Variants in RELL1 observed in about 807,000 individuals in gnomAD.
The protein encoded by RELL1 is RELT-like protein 1.
A neutral mutation model predicts 23.0 loss-of-function variants in RELL1; 10 were observed. The observed-to-expected ratio is 0.43, with a 90% CI of 0.27 to 0.74. The LOEUF is 0.74. RELL1 is among the 30% of genes least tolerant of loss of function. RELL1 has a pLI of 0.19. For synonymous variants in RELL1, 146 were observed against 146.8 expected (o/e 0.99, Z 0.04); for missense variants, 315 against 364.4 (o/e 0.86, Z 1.10).
intron 1 of RELL1, among the ~76,000 whole-genome samples, chr4:37,681,421 T>C (rs1722216270): frequency 6.6e-6 from 1 of 151,070 alleles, no homozygotes; most frequent in South Asian, 2.1e-4. Context: ...GAGCAGCCAG[T>C]AGGACAGAGA....
At chr4:37,685,153 T>A (rs1722358085) in intron 1 of RELL1, among the ~76,000 whole-genome samples, 1 of 152,214 alleles carries the variant, frequency 6.6e-6, no homozygotes, top group African/African-American at 2.4e-5. Flanking sequence ...GTAAAAGTTG[T>A]AAGCGACTGA....
At position 37,686,345 on chromosome 4, in the gene RELL1, G is replaced by A. The variant is rs1391068843; in HGVS notation, c.-58C>T. The A allele has an allele frequency of 2.2e-6, 3 of 1,336,114 alleles. No individual in the cohort carries two copies. The highest frequency in any genetic ancestry group is 3.1e-5 in the African/African-American group (2 of 64,904). 82.8% of individuals were successfully genotyped at this position (1,336,114 alleles called of 1,614,324 possible). A position where few individuals can be genotyped will look rare whatever the true frequency, so the allele number is the denominator to read the frequency against. On this transcript the variant is annotated 5_prime_UTR_variant, in exon 1 of 7. Coordinates refer to ENST00000454158, the MANE Select transcript of RELL1 (RefSeq NM_001085400.2). ...GCCGCGTCCCGCGCTCGGGAAGGCA[G>A]AGCCGCTCCGGAGCCGGCGGGCTGA...
At chr4:37,598,281 A>G (rs1181668969) in intron 6 of RELL1, among the ~76,000 whole-genome samples, 1 of 144,748 alleles carries the variant, frequency 6.9e-6, no homozygotes, top group African/African-American at 2.5e-5. Context: ...AAAAAAAAAA[A>G]AAAGTTTATA....
At chr4:37,634,296 G>A (rs1720239194) in intron 5 of RELL1, among the ~76,000 whole-genome samples, 1 of 152,254 alleles carries the variant, frequency 6.6e-6, no homozygotes, top group South Asian at 2.1e-4. Flanking sequence ...AGACACTGGA[G>A]GGCTGTGGAC....
At chr4:37,668,190 G>GA (rs1180503721) in intron 1 of RELL1, among the ~76,000 whole-genome samples, 1 of 151,684 alleles carries the variant, frequency 6.6e-6, no homozygotes, top group Non-Finnish European at 1.5e-5. Flanking sequence ...GGTATGCACA[G>GA]AAAAAAAGGA....
chr4:37,676,014 C>T (rs1322055329), intron 1 of RELL1, among the ~76,000 whole-genome samples: 1 of 152,176 alleles, frequency 6.6e-6, no homozygotes, highest in Non-Finnish European at 1.5e-5. Context: ...CTTCGGTGAC[C>T]ACAAGTTCTT....
intron 6 of RELL1, among the ~76,000 whole-genome samples, chr4:37,602,221 CAA>C (rs11410477): frequency 5.2e-5 from 5 of 96,682 alleles, no homozygotes; most frequent in Non-Finnish European, 7.8e-5. Flanking sequence ...TGTCTCAAAC[CAA>C]AAAAAAAAAA....
intron 3 of RELL1, among the ~76,000 whole-genome samples, chr4:37,638,898 AAT>A (rs1720426549): frequency 6.6e-6 from 1 of 152,242 alleles, no homozygotes; most frequent in African/African-American, 2.4e-5. Context: ...TACTTTGAAA[AAT>A]ATGATAGTGA....
At chr4:37,651,830 T>C (rs1433296738) in intron 1 of RELL1, among the ~76,000 whole-genome samples, 1 of 152,212 alleles carries the variant, frequency 6.6e-6, no homozygotes. Context: ...GCCTCTCTGC[T>C]GAAAGCCATT....
chr4:37,640,496 T>C (rs1047427836), intron 3 of RELL1, among the ~76,000 whole-genome samples: 1 of 152,226 alleles, frequency 6.6e-6, no homozygotes, highest in Non-Finnish European at 1.5e-5. Context: ...TTTTATTGTA[T>C]ACAAAATACA....
At chr4:37,662,987 GA>G (rs1721407427) in intron 1 of RELL1, among the ~76,000 whole-genome samples, 1 of 152,172 alleles carries the variant, frequency 6.6e-6, no homozygotes, top group Non-Finnish European at 1.5e-5. Context: ...TTTGCTTTGG[GA>G]TACAGGCCAG....
chr4:37,620,255 TAC>T (rs1719722318), intron 6 of RELL1, among the ~76,000 whole-genome samples: 1 of 152,246 alleles, frequency 6.6e-6, no homozygotes, highest in Non-Finnish European at 1.5e-5. Context: ...TTGCATTCCT[TAC>T]AGTTTTGAAT....
intron 1 of RELL1, among the ~76,000 whole-genome samples, chr4:37,670,056 TAA>T (rs537851204): frequency 3.0e-3 from 296 of 98,690 alleles, no homozygotes; most frequent in African/African-American, 9.8e-3. Flanking sequence ...TAAATAAATA[TAA>T]AAAAAAAAAA....
At chr4:37,653,636 G>A (rs1379373494) in intron 1 of RELL1, among the ~76,000 whole-genome samples, 1 of 151,994 alleles carries the variant, frequency 6.6e-6, no homozygotes, top group Non-Finnish European at 1.5e-5. Context: ...ATTTGATACT[G>A]CTTCTACTGA....
chr4:37,631,445 G>T lies in RELL1; in HGVS notation c.759C>A (p.Thr253=). 1 of 1,614,034 alleles carries T rather than the reference G, an allele frequency of 6.2e-7. No homozygotes were observed. The highest frequency in any genetic ancestry group is 8.5e-7 in the Non-Finnish European group (1 of 1,179,982). Residue 253 remains threonine (T), a synonymous_variant, in exon 6 of 7, where the codon ACC becomes ACA. Coordinates refer to ENST00000454158, the MANE Select transcript of RELL1 (RefSeq NM_001085400.2). ...RSLMSVSGAE[T]VNGEVPATPV... is the part of the protein sequence containing the mutation. ...GTGTTGCCGGCACCTCCCCATTGACGGTTTCAGCCCCACTAACAGACATCA... is the reference window on the plus strand; with the variant it reads ...GTGTTGCCGGCACCTCCCCATTGACTGTTTCAGCCCCACTAACAGACATCA...
chr4:37,618,250 G>A (rs185140752), intron 6 of RELL1, among the ~76,000 whole-genome samples: 2 of 151,460 alleles, frequency 1.3e-5, no homozygotes. Context: ...TCACTCTGTT[G>A]CCCAGGCTGG....
intron 1 of RELL1, among the ~76,000 whole-genome samples, chr4:37,676,517 T>C (rs1190042190): frequency 6.6e-6 from 1 of 152,252 alleles, no homozygotes; most frequent in Non-Finnish European, 1.5e-5. Context: ...CGAAAATCTC[T>C]GCACTGAAAA....
downstream of RELL1, chr4:37,590,701 T>A (rs757190120): frequency 3.7e-6 from 6 of 1,613,888 alleles, no homozygotes; most frequent in South Asian, 1.1e-5. Flanking sequence ...TGAGGATGAA[T>A]CCCTAGAGGG....
At chr4:37,627,723 T>G (rs1719998414) in intron 6 of RELL1, among the ~76,000 whole-genome samples, 1 of 152,214 alleles carries the variant, frequency 6.6e-6, no homozygotes, top group Admixed American at 6.5e-5. Flanking sequence ...ACCTAACCAA[T>G]AAGTGGATAT....
Sources: allele counts gnomAD v4.1 joint callset (sites outside exome capture counted in the v4.1 genomes callset), GRCh38; gene constraint gnomAD v4.1.1; transcripts MANE v1.5; gene names NCBI Gene and HGNC (gene_info 2026-07-23, HGNC 2026-07-21).